The following ATP6V0A4 variants were observed in gnomAD, a reference collection of about 807,000 sequenced individuals.
The protein encoded by ATP6V0A4 is ATPase H+ transporting V0 subunit a4.
ATP6V0A4 carries 86 observed loss-of-function variants against 107.3 expected under a neutral mutation model. That is an observed-to-expected ratio of 0.80 (90% CI 0.67 to 0.96). The LOEUF is 0.96. ATP6V0A4 is among the 40% of genes least tolerant of loss of function. The pLI, the probability that ATP6V0A4 is intolerant of heterozygous loss-of-function variation, is 0.00. For synonymous variants in ATP6V0A4, 353 were observed against 381.4 expected, an observed-to-expected ratio of 0.93 and a Z score of 0.87; for missense variants, 908 against 1,045.6, an observed-to-expected ratio of 0.87 and a Z score of 1.81.
chr7:138,708,939 C>T (rs914018610), intron 21 of ATP6V0A4, among the ~76,000 whole-genome samples: 3 of 151,802 alleles, frequency 2.0e-5, no homozygotes, highest in Admixed American at 1.3e-4. Context: ...TCAGGTGTGA[C>T]GGTGCATGCC....
intron 16 of ATP6V0A4, 135 bp from the exon 17 acceptor site, chr7:138,733,228 C>T (rs1805119235): frequency 3.2e-5 from 45 of 1,418,370 alleles, no homozygotes; most frequent in Non-Finnish European, 4.2e-5. Context: ...CAACGGCACC[C>T]CCCACCCCCC....
chr7:138,775,153 T>A (rs1039470015), intron 2 of ATP6V0A4, among the ~76,000 whole-genome samples: 21 of 152,024 alleles, frequency 1.4e-4, no homozygotes, highest in Non-Finnish European at 2.2e-4. Context: ...TGCTTTTTTT[T>A]AACTTTTCTG....
chr7:138,739,756 T>C (rs1170307189), intron 14 of ATP6V0A4, 123 bp from the exon 15 acceptor site: 4 of 1,511,874 alleles, frequency 2.6e-6, no homozygotes, highest in Non-Finnish European at 3.6e-6. Context: ...ATCACTTTGG[T>C]TGGTTCAATA....
At chr7:138,759,950 G>T in intron 7 of ATP6V0A4, 72 bp from the exon 8 acceptor site, 1 of 1,609,574 alleles carries the variant, frequency 6.2e-7, no homozygotes, top group South Asian at 1.1e-5. Context: ...CCTGTAGGAC[G>T]TGAAGACACA....
At chr7:138,722,396 G>A (rs1804466855) in intron 18 of ATP6V0A4, among the ~76,000 whole-genome samples, 1 of 151,904 alleles carries the variant, frequency 6.6e-6, no homozygotes, top group African/African-American at 2.4e-5. Flanking sequence ...TGCGTGTGGT[G>A]ACTCACGCCT....
chr7:138,794,360 G>A (rs571571081), intron 1 of ATP6V0A4, among the ~76,000 whole-genome samples: 7 of 152,238 alleles, frequency 4.6e-5, no homozygotes, highest in East Asian at 1.9e-4. Flanking sequence ...AGGTGGCAAC[G>A]GGGCCTATCA....
chr7:138,736,153 G>A (rs1279310150), intron 15 of ATP6V0A4, among the ~76,000 whole-genome samples: 1 of 152,182 alleles, frequency 6.6e-6, no homozygotes, highest in Non-Finnish European at 1.5e-5. Flanking sequence ...GGCTGAAGCA[G>A]GGAGATTGAG....
chr7:138,767,559 G>T (rs1258165220), intron 5 of ATP6V0A4, among the ~76,000 whole-genome samples: 3 of 150,604 alleles, frequency 2.0e-5, no homozygotes, highest in African/African-American at 7.3e-5. Context: ...TTTTCTAGAA[G>T]ATTTGACAAT....
chr7:138,729,891 C>CT lies in ATP6V0A4; in HGVS notation c.1909-1030dup, dbSNP rs934328245. 7.9e-5 allele frequency among the ~76,000 whole-genome samples: 12 copies of CT among 151,294 alleles called. 1 individual carries two copies. Among genetic ancestry groups the CT allele is most frequent in the African/African-American group, 1.9e-4 (8 of 41,284 alleles). On this transcript the variant is annotated intron_variant, in intron 17 of 21. Transcript: ENST00000310018. The stretch of plus-strand genomic sequence containing the variant: ...GGTTCCATCTTCCATCCTCACTCAA[C>CT]TTTTTTTTTTGAGATGGAGTCTCGC...
In ATP6V0A4 at chr7:138,773,613, T is replaced by C. The variant is rs1807505285; in HGVS notation, c.-17-2349A>G. 6.6e-6 allele frequency among the ~76,000 whole-genome samples: 1 copy of C among 152,128 alleles called. No homozygotes were observed. Among genetic ancestry groups the C allele is most frequent in the Non-Finnish European group, 1.5e-5 (1 of 68,032 alleles). On this transcript the variant is annotated intron_variant, in intron 2 of 21. Transcript: ENST00000310018. This position sits in a 1 kb window ranked among gnomAD's most constrained non-coding sequence, Gnocchi z 5.4. ...CACAAAGTGGGTACTCCAGAAGCAA[T>C]ACCCCATGTATAGACCAGAGGATAA...
At chr7:138,714,471 T>G (rs1028352922) in intron 20 of ATP6V0A4, among the ~76,000 whole-genome samples, 1 of 152,010 alleles carries the variant, frequency 6.6e-6, no homozygotes, top group African/African-American at 2.4e-5. Context: ...TTTGGGAGGC[T>G]GAGGCAAGAG....
chr7:138,727,177 G>T (rs1040785739), intron 18 of ATP6V0A4, among the ~76,000 whole-genome samples: 1 of 151,618 alleles, frequency 6.6e-6, no homozygotes, highest in African/African-American at 2.4e-5. Context: ...TACTTGGGAG[G>T]CTGAGGCAAG....
chr7:138,706,838 GGTTGGCCACGGC>G (rs1803394317), intron 21 of ATP6V0A4, 121 bp from the exon 22 acceptor site: 1 of 1,518,092 alleles, frequency 6.6e-7, no homozygotes, highest in African/African-American at 1.4e-5. Flanking sequence ...AAGTCAGAAG[GGTTGGCCACGGC>G]AGGCACCCAG....
chr7:138,742,446 TA>T (rs1805678345), intron 14 of ATP6V0A4, among the ~76,000 whole-genome samples: 2 of 151,928 alleles, frequency 1.3e-5, no homozygotes, highest in Non-Finnish European at 2.9e-5. Context: ...AATAAATAAA[TA>T]AAAAAATAAA....
chr7:138,769,161 AAAT>A lies in ATP6V0A4; in HGVS notation c.196+9_196+11del, dbSNP rs1200365073. On this transcript the variant is annotated intron_variant, in intron 4 of 21. Coordinates refer to ENST00000310018, the MANE Select transcript of ATP6V0A4 (RefSeq NM_020632.3). ...TTGAACAGTAAGAAAAAAAAAAAAAAAATTGGCTTACGGAGGATTCTCTCCAGT... is the reference window on the plus strand; with the variant it reads ...TTGAACAGTAAGAAAAAAAAAAAAAATGGCTTACGGAGGATTCTCTCCAGT... 2.5e-6 allele frequency: 4 copies of A among 1,571,526 alleles called. No individual in the cohort carries two copies. Among genetic ancestry groups the A allele is most frequent in the South Asian group, 2.2e-5 (2 of 89,284 alleles).
rs753174252 is a variant in ATP6V0A4, at chr7:138,749,138, C to T, written c.1180+29G>A. 31 of 1,613,256 alleles carry T rather than the reference C, an allele frequency of 1.9e-5. No individual in the cohort carries two copies. In the East Asian group the frequency reaches 6.9e-4, roughly 36 times the overall value. On this transcript the variant is annotated intron_variant, in intron 12 of 21. Coordinates refer to ENST00000310018, the MANE Select transcript of ATP6V0A4 (RefSeq NM_020632.3). The stretch of plus-strand genomic sequence containing the variant: ...CTTACCAGTTTTCACTTTCAAGCTA[C>T]CCAGTCGTGCAGTTCATCAGATCTT...
intron 2 of ATP6V0A4, among the ~76,000 whole-genome samples, chr7:138,781,831 G>A (rs1312324352): frequency 1.4e-4 from 14 of 98,132 alleles, no homozygotes; most frequent in African/African-American, 4.7e-4. Flanking sequence ...ATTTTTCTCT[G>A]TCTCTCTCTC....
chr7:138,775,036 T>C (rs533740872), intron 2 of ATP6V0A4, among the ~76,000 whole-genome samples: 1 of 152,302 alleles, frequency 6.6e-6, no homozygotes, highest in Non-Finnish European at 1.5e-5. Flanking sequence ...AACAGCCACC[T>C]GCGTTTGTTT....
At chr7:138,737,840 C>A (rs1319202093) in intron 15 of ATP6V0A4, among the ~76,000 whole-genome samples, 3 of 151,206 alleles carry the variant, frequency 2.0e-5, no homozygotes, top group Non-Finnish European at 4.4e-5. Flanking sequence ...CAGCTCACTG[C>A]AACCTCCACC....
Sources: allele counts gnomAD v4.1 joint callset (sites outside exome capture counted in the v4.1 genomes callset), GRCh38; gene constraint gnomAD v4.1.1; non-coding constraint Gnocchi (gnomAD v3.1); transcripts MANE v1.5; gene names NCBI Gene and HGNC (gene_info 2026-07-23, HGNC 2026-07-21).